Variants in CCDC7 observed in about 807,000 individuals in gnomAD.
The protein encoded by CCDC7 is coiled-coil domain containing 7, also known as coiled-coil domain-containing protein 7.
A neutral mutation model predicts 196.9 loss-of-function variants in CCDC7; 183 were observed. That is an observed-to-expected ratio of 0.93 (90% CI 0.82 to 1.05). The LOEUF (loss-of-function observed/expected upper bound fraction) is 1.05. Ranked by LOEUF, CCDC7 falls within the 50% of genes least tolerant of loss-of-function variation. The probability of loss-of-function intolerance (pLI) is 0.00; values close to 1 mark genes in which losing one functional copy is unlikely to be tolerated. For missense variants in CCDC7, 1,540 were observed against 1,482.2 expected (o/e 1.04, Z -0.64); for synonymous variants, 525 against 484.6 (o/e 1.08, Z -1.10).
At chr10:32,729,287 G>T in intron 27 of CCDC7, 45 bp from the exon 29 acceptor site, 1 of 1,488,206 alleles carries the variant, frequency 6.7e-7, no homozygotes, top group Non-Finnish European at 9.0e-7. Flanking sequence ...ATGATTACTT[G>T]GCATATCCAG....
chr10:32,452,959 A>G (rs750942851), intron 1 of CCDC7, among the ~76,000 whole-genome samples: 18 of 152,190 alleles, frequency 1.2e-4, no homozygotes, highest in Non-Finnish European at 2.1e-4. Flanking sequence ...TTCTTTAAAA[A>G]TTCATTGCTT....
intron 21 of CCDC7, among the ~76,000 whole-genome samples, chr10:32,676,856 C>T: frequency 6.6e-6 from 1 of 152,290 alleles, no homozygotes; most frequent in African/African-American, 2.4e-5. Context: ...TTGACCTAGC[C>T]ATCCCATTAC....
intron 32 of CCDC7, among the ~76,000 whole-genome samples, chr10:32,832,988 C>T (rs2092328955): frequency 6.6e-6 from 1 of 151,944 alleles, no homozygotes; most frequent in Non-Finnish European, 1.5e-5. Context: ...GATGGTAACT[C>T]AAATCCACAG....
chr10:32,726,804 A>G, exon 26 of CCDC7: 1 of 1,599,490 alleles, frequency 6.3e-7, no homozygotes, highest in African/African-American at 1.3e-5. Flanking sequence ...AAAAGAAAAA[A>G]ATAACTCCTG....
chr10:32,679,580 C>T (rs2075550343), intron 21 of CCDC7, among the ~76,000 whole-genome samples: 1 of 152,186 alleles, frequency 6.6e-6, no homozygotes, highest in South Asian at 2.1e-4. Flanking sequence ...GAGCCAGAGC[C>T]AGTATTATCA....
At chr10:32,846,328 G>A (rs752011952) in intron 36 of CCDC7, 48 bp from the exon 38 acceptor site, 1 of 1,111,428 alleles carries the variant, frequency 9.0e-7, no homozygotes, top group Non-Finnish European at 1.3e-6. Flanking sequence ...ACACATGTAT[G>A]GTAATGTTTA....
intron 24 of CCDC7, among the ~76,000 whole-genome samples, 181 bp downstream of exon 25, chr10:32,695,173 T>C (rs2077555523): frequency 6.6e-6 from 1 of 152,190 alleles, no homozygotes; most frequent in Non-Finnish European, 1.5e-5. Context: ...GAATTTCTGG[T>C]CTTGAGACTA....
intron 2 of CCDC7, among the ~76,000 whole-genome samples, chr10:32,454,027 G>A (rs995412554): frequency 6.6e-6 from 1 of 152,050 alleles, no homozygotes; most frequent in African/African-American, 2.4e-5. Flanking sequence ...CACAATAAAG[G>A]GAACAAACTA....
At position 32,778,970 on chromosome 10, in the gene CCDC7, C is replaced by G. The variant is rs1470772263; in HGVS notation, c.2906-7C>G. 9 of 1,542,090 alleles carry G rather than the reference C, an allele frequency of 5.8e-6. No homozygotes were observed. The highest frequency in any genetic ancestry group is 7.9e-6 in the Non-Finnish European group (9 of 1,140,342). On this transcript the variant is annotated splice_region_variant and splice_polypyrimidine_tract_variant and intron_variant, in intron 28 of 41. Transcript: ENST00000639629. ...TCAACTACTTTGACAATCTGTTATT[C>G]TTACAGTTAAAAATGAAGCAGCCTC... is the stretch of plus-strand genomic sequence containing the variant.
Position 32,673,050 on chromosome 10 carries a change from CTA to C in CCDC7, c.2122+8891_2122+8892del, listed in dbSNP as rs201309735. 4.8e-4 allele frequency among the ~76,000 whole-genome samples: 73 copies of C among 152,254 alleles called. No individual in the cohort carries two copies. In the East Asian group the frequency reaches 0.014, roughly 29 times the overall value. On this transcript the variant is annotated intron_variant, in intron 21 of 41. Transcript: ENST00000639629. Reference sequence around the variant, plus strand: ...TGTTTCCCCAATGCTATTGAGGAGACTATGCTTTCCCTTTTGTGTATTCTTAC... The same window carrying C: ...TGTTTCCCCAATGCTATTGAGGAGACTGCTTTCCCTTTTGTGTATTCTTAC...
chr10:32,704,773 T>C (rs2079401439), intron 24 of CCDC7, among the ~76,000 whole-genome samples: 2 of 152,116 alleles, frequency 1.3e-5, no homozygotes, highest in Admixed American at 1.3e-4. Flanking sequence ...GTGCTAGCAA[T>C]GAGTGACGCT....
At chr10:32,659,197 C>A (rs191354266) in intron 20 of CCDC7, among the ~76,000 whole-genome samples, 2 of 152,130 alleles carry the variant, frequency 1.3e-5, no homozygotes, top group Admixed American at 6.6e-5. Flanking sequence ...GTTAGGACTG[C>A]TTTTGCATCA....
intron 33 of CCDC7, among the ~76,000 whole-genome samples, chr10:32,841,238 A>G (rs568489866): frequency 2.8e-4 from 42 of 152,138 alleles, no homozygotes; most frequent in African/African-American, 1.0e-3. Flanking sequence ...ATGATCATAT[A>G]CCTAGGAAGC....
At chr10:32,523,705 T>G (rs1051279985) in intron 11 of CCDC7, among the ~76,000 whole-genome samples, 4 of 151,886 alleles carry the variant, frequency 2.6e-5, no homozygotes, top group African/African-American at 9.7e-5. Context: ...CTTGCTGAAT[T>G]GACCTCTTTG....
At chr10:32,522,273 T>G (rs1251684049) in intron 11 of CCDC7, among the ~76,000 whole-genome samples, 1 of 152,196 alleles carries the variant, frequency 6.6e-6, no homozygotes, top group Non-Finnish European at 1.5e-5. Flanking sequence ...AAATGTTTGG[T>G]AAAATTCAGC....
chr10:32,759,112 G>T (rs564084397), intron 28 of CCDC7, among the ~76,000 whole-genome samples: 264 of 152,172 alleles, frequency 1.7e-3, no homozygotes, highest in Middle Eastern at 0.014. Context: ...ACAAATGGAA[G>T]AACATTCCAT....
intron 29 of CCDC7, among the ~76,000 whole-genome samples, chr10:32,792,076 A>T (rs185779665): frequency 6.6e-6 from 1 of 152,210 alleles, no homozygotes; most frequent in Non-Finnish European, 1.5e-5. Flanking sequence ...AGAAAAAAAA[A>T]ATTAGTCAAG....
rs565041720 is a variant in CCDC7 at position 32,568,048 on chromosome 10, C to G, written c.1419+157C>G. Among the ~76,000 whole-genome samples the G allele has an allele frequency of 1.1e-4, 16 of 139,390 alleles. No homozygotes were observed. In the East Asian group the frequency reaches 2.7e-3, roughly 24 times the overall value. The allele number at this position is 139,390 out of a possible 152,430, so 91.4% of individuals were successfully genotyped here. A position where few individuals can be genotyped will look rare whatever the true frequency, so the allele number is the denominator to read the frequency against. ...TTTGAGATGGAGTCTTGCTCTGTCG[C>G]CAGGCTAGAGTGCTATGGTGCGATC... is the stretch of plus-strand genomic sequence containing the variant. On this transcript the variant is annotated intron_variant, in intron 15 of 41. Coordinates refer to ENST00000639629, the Ensembl canonical transcript of CCDC7.
intron 24 of CCDC7, among the ~76,000 whole-genome samples, chr10:32,699,308 G>GT (rs1214981605): frequency 2.0e-5 from 3 of 149,156 alleles, no homozygotes; most frequent in East Asian, 2.0e-4. Context: ...GTGGTGTTTG[G>GT]TTTTTTGTCC....
Sources: gnomAD v4.1 joint callset for allele counts (sites outside exome capture counted in the v4.1 genomes callset) on GRCh38, gnomAD v4.1.1 for gene constraint, MANE v1.5 for transcripts, NCBI Gene and HGNC (gene_info 2026-07-23, HGNC 2026-07-21) for gene names.